KIAA1217: variants seen among roughly 807,000 people sequenced by gnomAD.
KIAA1217 encodes the protein KIAA1217.
Under a neutral mutation model 163.9 loss-of-function variants are expected in KIAA1217, and 88 were observed. The observed-to-expected ratio is 0.54, with a 90% CI of 0.45 to 0.64. The LOEUF (loss-of-function observed/expected upper bound fraction) is 0.64, where lower values mean the gene tolerates loss of function less well. KIAA1217 is among the 30% of genes least tolerant of loss of function. The pLI is 0.00. For missense variants in KIAA1217, 2,372 were observed against 2,475.0 expected (o/e 0.96, Z 0.88); for synonymous variants, 903 against 923.1 (o/e 0.98, Z 0.39).
At chr10:23,845,186 T>C (rs940595982) in intron 1 of KIAA1217, among the ~76,000 whole-genome samples, 13 of 152,198 alleles carry the variant, frequency 8.5e-5, no homozygotes, top group Non-Finnish European at 1.6e-4. Context: ...TGAACAGTGC[T>C]GCAATAAACA....
At chr10:23,706,732 G>T (rs923008363) in intron 1 of KIAA1217, among the ~76,000 whole-genome samples, 1 of 152,182 alleles carries the variant, frequency 6.6e-6, no homozygotes, top group South Asian at 2.1e-4. Flanking sequence ...ATTTTTGTCT[G>T]GTTTGAGTGT....
Position 24,473,566 on chromosome 10 carries a change from T to C in KIAA1217, c.1185T>C (p.Asp395=), listed in dbSNP as rs202177427. 3.1e-5 allele frequency: 50 copies of C among 1,614,154 alleles called. No individual in the cohort carries two copies. In the African/African-American group the frequency reaches 5.3e-4, roughly 17 times the overall value. The part of the protein sequence containing the change: ...AMYRNEGFYA[D]PYLYHEGRMS... ...ACAGAAATGAGGGTTTCTATGCTGA[T>C]CCTTACCTTTATCACGAGGGACGGA... The change falls in exon 6 of 21, where the codon GAT becomes GAC. Residue 395 remains aspartate (D), a synonymous_variant. Transcript: ENST00000376454.
intron 2 of KIAA1217, among the ~76,000 whole-genome samples, chr10:24,119,042 A>G (rs960135274): frequency 1.5e-4 from 23 of 152,096 alleles, no homozygotes; most frequent in African/African-American, 5.6e-4. Flanking sequence ...GAGTAAAATG[A>G]TTTGCCAACT....
chr10:24,023,390 A>G (rs1409368282), intron 2 of KIAA1217, among the ~76,000 whole-genome samples: 2 of 151,672 alleles, frequency 1.3e-5, no homozygotes, highest in East Asian at 1.9e-4. Flanking sequence ...CCATCTATGT[A>G]TACACAGTTG....
At chr10:24,023,151 T>A (rs779834707) in intron 2 of KIAA1217, among the ~76,000 whole-genome samples, 3 of 151,640 alleles carry the variant, frequency 2.0e-5, no homozygotes, top group Admixed American at 6.6e-5. Flanking sequence ...CTCTGAAAAA[T>A]TCAAATGAGT....
chr10:24,075,537 C>T (rs558737970), intron 2 of KIAA1217, among the ~76,000 whole-genome samples: 124 of 151,590 alleles, frequency 8.2e-4, no homozygotes, highest in Non-Finnish European at 1.5e-3. Context: ...ATGTTTATAT[C>T]GTCCCTTCCA....
At position 24,449,904 on chromosome 10, in the gene KIAA1217, TC is replaced by T. The variant is rs201009523; in HGVS notation, c.846+11426del. On this transcript the variant is annotated intron_variant, in intron 5 of 20. Coordinates refer to ENST00000376454, the MANE Select transcript of KIAA1217 (RefSeq NM_019590.5). ...TGCAATTTTAGGTTTTATTTTAACT[TC>T]TTGCACACTGCCTAGAAGAAAACCT... is the stretch of plus-strand genomic sequence containing the variant. 2.5e-3 allele frequency: 529 copies of T among 212,970 alleles called. 13 individuals are homozygous for T. The highest frequency in any genetic ancestry group is 0.024 in the East Asian group (132 of 5,430). 13.2% of individuals were successfully genotyped at this position (212,970 alleles called of 1,614,324 possible). A position where few individuals can be genotyped will look rare whatever the true frequency, so the allele number is the denominator to read the frequency against.
At chr10:23,795,152 T>G (rs1418067648) in intron 1 of KIAA1217, among the ~76,000 whole-genome samples, 1 of 152,226 alleles carries the variant, frequency 6.6e-6, no homozygotes, top group African/African-American at 2.4e-5. Context: ...TAGTAATCTT[T>G]ATTGACAATT....
At chr10:24,059,951 A>G (rs746852192) in intron 2 of KIAA1217, among the ~76,000 whole-genome samples, 3 of 152,128 alleles carry the variant, frequency 2.0e-5, no homozygotes, top group Admixed American at 6.6e-5. Context: ...AGGTTATCCA[A>G]TTTGTTGGCA....
rs774173323 is a variant in KIAA1217 at position 24,533,104 on chromosome 10, C to T, written c.3281C>T (p.Thr1094Ile). The stretch of plus-strand genomic sequence containing the variant: ...GAAGATGCTGGACCAAGCCCACAGA[C>T]CAGAGCTACAAAATATCCAGCAGAG... ...SSEDAGPSPQ[T>I]RATKYPAEEP... Residue 1094 changes from threonine to isoleucine, a missense_variant, in exon 16 of 21, where the codon ACC becomes ATC. This residue lies in a region of KIAA1217 where 1,431 missense variants were observed against 1,470.3 expected (regional missense o/e 0.97). Transcript: ENST00000376454. 1.9e-6 allele frequency: 3 copies of T among 1,613,742 alleles called. No homozygotes were observed. The highest frequency in any genetic ancestry group is 2.5e-6 in the Non-Finnish European group (3 of 1,179,886).
chr10:24,042,035 C>T (rs913787089), intron 2 of KIAA1217: 4 of 152,044 alleles, frequency 2.6e-5, no homozygotes, highest in African/African-American at 9.7e-5. Flanking sequence ...GAACTGTCAC[C>T]GGCATCTTAG....
intron 2 of KIAA1217, among the ~76,000 whole-genome samples, chr10:24,034,488 A>C (rs1848311301): frequency 6.6e-6 from 1 of 150,794 alleles, no homozygotes; most frequent in Non-Finnish European, 1.5e-5. Context: ...ACCTGAGCAC[A>C]GGAGGTTGAG....
chr10:24,328,350 G>C (rs1043465686), intron 2 of KIAA1217, among the ~76,000 whole-genome samples: 1 of 151,964 alleles, frequency 6.6e-6, no homozygotes, highest in Non-Finnish European at 1.5e-5. Flanking sequence ...ATGGGTGAGG[G>C]GTCTGACAAT....
In KIAA1217 at chr10:23,912,868, T is replaced by G. The variant is rs76415825; in HGVS notation, c.-320-94357T>G. Reference sequence around the variant, plus strand: ...GGAGAGCAATCATTTAGACACTGGCTGCAGGAGGGGACCACAATGCTGACT... The same window carrying G: ...GGAGAGCAATCATTTAGACACTGGCGGCAGGAGGGGACCACAATGCTGACT... On this transcript the variant is annotated intron_variant, in intron 1 of 18. Transcript: ENST00000376462. Among the ~76,000 whole-genome samples, 3 of 152,260 alleles carry G rather than the reference T, an allele frequency of 2.0e-5. No individual in the cohort carries two copies. The South Asian group carries it at 6.2e-4, about 32-fold the overall frequency.
At chr10:24,181,726 A>G (rs539173578) in intron 2 of KIAA1217, among the ~76,000 whole-genome samples, 2 of 152,354 alleles carry the variant, frequency 1.3e-5, no homozygotes, top group South Asian at 4.1e-4. Flanking sequence ...GATGGATTCA[A>G]ATGATTCTTA....
chr10:24,474,229 A>G (rs2063789973), intron 6 of KIAA1217, among the ~76,000 whole-genome samples, 169 bp downstream of exon 6: 1 of 152,194 alleles, frequency 6.6e-6, no homozygotes. Context: ...CATTGTCTGC[A>G]AATAGTTTCT....
chr10:24,114,405 AC>A (rs753897748), intron 2 of KIAA1217, among the ~76,000 whole-genome samples: 3 of 152,158 alleles, frequency 2.0e-5, no homozygotes, highest in Non-Finnish European at 4.4e-5. Flanking sequence ...TACTGTATCC[AC>A]CCAAGTGATA....
intron 1 of KIAA1217, among the ~76,000 whole-genome samples, chr10:23,704,255 T>C (rs1360987554): frequency 1.4e-5 from 2 of 140,466 alleles, no homozygotes; most frequent in African/African-American, 5.3e-5. Flanking sequence ...CCCCAGGGCT[T>C]CTTTTTTTCT....
intron 1 of KIAA1217, among the ~76,000 whole-genome samples, chr10:23,797,851 T>A (rs1168726618): frequency 6.6e-6 from 1 of 152,088 alleles, no homozygotes; most frequent in Non-Finnish European, 1.5e-5. Context: ...TTATACCAAG[T>A]TATAGTACAG....
Sources: allele counts gnomAD v4.1 joint callset (sites outside exome capture counted in the v4.1 genomes callset), GRCh38; gene constraint gnomAD v4.1.1; regional missense constraint gnomAD v4.1.1; transcripts MANE v1.5; gene names NCBI Gene and HGNC (gene_info 2026-07-23, HGNC 2026-07-21).